CACNB3: variants seen among roughly 807,000 people sequenced by gnomAD.
CACNB3 encodes voltage-dependent L-type calcium channel subunit beta-3.
In CACNB3, 36 loss-of-function variants were observed where a neutral mutation model predicts 63.7. The observed-to-expected ratio is 0.57, with a 90% confidence interval of 0.43 to 0.75. CACNB3 has a LOEUF of 0.75. Among genes scored for constraint, CACNB3 ranks in the 30% least tolerant of loss-of-function variants. The pLI, the probability that CACNB3 is intolerant of heterozygous loss-of-function variation, is 0.00. For synonymous variants in CACNB3, 241 were observed against 250.6 expected, an observed-to-expected ratio of 0.96 and a Z score of 0.36; for missense variants, 493 against 648.6, an observed-to-expected ratio of 0.76 and a Z score of 2.61.
In CACNB3 at chr12:48,826,897, G is replaced by A; in HGVS notation, c.990+43G>A. On this transcript the variant is annotated intron_variant, in intron 11 of 12. Transcript: ENST00000301050. This position sits in a 1 kb window ranked among gnomAD's most constrained non-coding sequence, Gnocchi z 4.8. ...CTGCTCCTGTGCCCACTCCCCCAGG[G>A]CTGCGGCAGTGATAGAGATGGGTGG... 6.2e-7 allele frequency: 1 copy of A among 1,611,404 alleles called. No individual in the cohort carries two copies. Among genetic ancestry groups the A allele is most frequent in the Non-Finnish European group, 8.5e-7 (1 of 1,177,634 alleles).
At position 48,825,593 on chromosome 12, in the gene CACNB3, G is replaced by A. The variant is rs1938090152; in HGVS notation, c.633-67G>A. The stretch of plus-strand genomic sequence containing the variant: ...TCTTCTCTAAGGGAAGAGTTAGTGG[G>A]AGCTGAGTAAGGAGAGGCTGAGGCA... On this transcript the variant is annotated intron_variant, in intron 8 of 12. Coordinates refer to ENST00000301050, the MANE Select transcript of CACNB3 (RefSeq NM_000725.4). The surrounding 1 kb of genome is among the most constrained non-coding windows in gnomAD (Gnocchi z 4.5). 4.5e-6 allele frequency: 7 copies of A among 1,572,730 alleles called. No homozygotes were observed. The highest frequency in any genetic ancestry group is 1.7e-4 in the Middle Eastern group (1 of 5,978).
At position 48,823,327 on chromosome 12, in the gene CACNB3, C is replaced by A; in HGVS notation, c.46-17C>A. ...TCATGCCGGAGCCTGGGAGTCACAG[C>A]CTCTTTCCCAACCCAGGGTTCAGCC... On this transcript the variant is annotated splice_polypyrimidine_tract_variant and intron_variant, in intron 1 of 12. Transcript: ENST00000301050. This position sits in a 1 kb window ranked among gnomAD's most constrained non-coding sequence, Gnocchi z 4.2. 4 of 1,612,122 alleles carry A rather than the reference C, an allele frequency of 2.5e-6. No individual in the cohort carries two copies. Among genetic ancestry groups the A allele is most frequent in the Non-Finnish European group, 3.4e-6 (4 of 1,179,006 alleles).
chr12:48,823,200 A>G lies in CACNB3; in HGVS notation c.46-144A>G. 1 of 993,180 alleles carries G rather than the reference A, an allele frequency of 1.0e-6. No individual in the cohort carries two copies. Among genetic ancestry groups the G allele is most frequent in the East Asian group, 2.6e-5 (1 of 39,176 alleles). The allele number at this position is 993,180 out of a possible 1,614,324, so 61.5% of individuals were successfully genotyped here. On this transcript the variant is annotated intron_variant, in intron 1 of 12. Transcript: ENST00000301050. The surrounding 1 kb of genome is among the most constrained non-coding windows in gnomAD (Gnocchi z 4.2). ...GAGGCACTGGGGCCCTTCTCAGGGG[A>G]TAGGAGGGGCCATAGGGACCCAGCT...
At chr12:48,815,758 G>A (rs1942272698), upstream of CACNB3, 1 of 842,732 alleles carries the variant, frequency 1.2e-6, no homozygotes, top group South Asian at 1.4e-5. Flanking sequence ...GGGGTCGTGG[G>A]AAGGGGGTTC....
chr12:48,817,105 C>G (rs1279759007), upstream of CACNB3: 2 of 654,152 alleles, frequency 3.1e-6, no homozygotes, highest in African/African-American at 2.0e-5. Context: ...GTCCCTTCAG[C>G]CACAGGGGCT....
chr12:48,824,507 T>A lies in CACNB3; in HGVS notation c.407+134T>A. 6 of 1,050,410 alleles carry A rather than the reference T, an allele frequency of 5.7e-6. No individual in the cohort carries two copies. The Admixed American group carries it at 1.3e-4, about 23-fold the overall frequency. The allele number at this position is 1,050,410 out of a possible 1,614,324, so 65.1% of individuals were successfully genotyped here. A position where few individuals can be genotyped will look rare whatever the true frequency, so the allele number is the denominator to read the frequency against. On this transcript the variant is annotated intron_variant, in intron 4 of 12. Transcript: ENST00000301050. The stretch of plus-strand genomic sequence containing the variant: ...TACACGTATGCCCAGCTCTACACAC[T>A]CAACACTAAACAAATCTACAAACAC...
chr12:48,828,933 T>G lies in CACNB3; in HGVS notation c.*1034T>G. The G allele has an allele frequency of 2.8e-6, 1 of 352,704 alleles. No individual in the cohort carries two copies. The highest frequency in any genetic ancestry group is 3.6e-5 in the Admixed American group (1 of 27,650). The allele number at this position is 352,704 out of a possible 1,614,324, so 21.8% of individuals were successfully genotyped here. A position where few individuals can be genotyped will look rare whatever the true frequency, so the allele number is the denominator to read the frequency against. Reference sequence around the variant, plus strand: ...TCACTGTCATCACTAATAAACATCATGCACAGTCCCTCCGGCTTCTGTTCT... The same window carrying G: ...TCACTGTCATCACTAATAAACATCAGGCACAGTCCCTCCGGCTTCTGTTCT... On this transcript the variant is annotated 3_prime_UTR_variant, in exon 13 of 13. Transcript: ENST00000301050.
chr12:48,826,657 G>A lies in CACNB3; in HGVS notation c.895-102G>A, dbSNP rs1286425187. The A allele has an allele frequency of 7.1e-7, 1 of 1,405,108 alleles. No homozygotes were observed. The highest frequency in any genetic ancestry group is 1.4e-5 in the African/African-American group (1 of 70,776). 87.0% of individuals were successfully genotyped at this position (1,405,108 alleles called of 1,614,324 possible). On this transcript the variant is annotated intron_variant, in intron 10 of 12. Transcript: ENST00000301050. The surrounding 1 kb of genome is among the most constrained non-coding windows in gnomAD (Gnocchi z 4.8). The stretch of plus-strand genomic sequence containing the variant: ...ACACAACTCTGAGTCATCCTCACCT[G>A]CTACTGATGCCACAAGTGGAAGAAA...
At chr12:48,827,437 G>A in intron 12 of CACNB3, 148 bp from the exon 13 acceptor site, 2 of 859,428 alleles carry the variant, frequency 2.3e-6, no homozygotes, top group Non-Finnish European at 3.5e-6. Flanking sequence ...TTCTCTCTCG[G>A]AAGAGGAAAA....
In CACNB3 at chr12:48,818,920, G is replaced by T; in HGVS notation, c.-10G>T. The T allele has an allele frequency of 1.3e-6, 2 of 1,579,654 alleles. No individual in the cohort carries two copies. Among genetic ancestry groups the T allele is most frequent in the East Asian group, 2.4e-5 (1 of 42,394 alleles). On this transcript the variant is annotated 5_prime_UTR_variant, in exon 1 of 13. Transcript: ENST00000301050. The surrounding 1 kb of genome is among the most constrained non-coding windows in gnomAD (Gnocchi z 4.3). ...CCGGCGCCGCTCGCTCCCCCGACCC[G>T]GACTCCCCCATGTATGACGACTCCT...
rs1481162316 is a variant in CACNB3, at chr12:48,825,333, C to T, written c.573+90C>T. ...GAAAGTGGAAGGGGTGTGTCTCCTCCGTCCAGGGTGTGTATGTGGAGCGCA... is the reference window on the plus strand; with the variant it reads ...GAAAGTGGAAGGGGTGTGTCTCCTCTGTCCAGGGTGTGTATGTGGAGCGCA... On this transcript the variant is annotated intron_variant, in intron 7 of 12. Coordinates refer to ENST00000301050, the MANE Select transcript of CACNB3 (RefSeq NM_000725.4). This position sits in a 1 kb window ranked among gnomAD's most constrained non-coding sequence, Gnocchi z 4.5. The T allele has an allele frequency of 8.3e-6, 13 of 1,564,612 alleles. No homozygotes were observed. In the African/African-American group the frequency reaches 1.1e-4, roughly 13 times the overall value.
chr12:48,823,227 T>C lies in CACNB3; in HGVS notation c.46-117T>C, dbSNP rs1937948300. ...AGGAGGGGCCATAGGGACCCAGCTATCCCCTTGGAGATGGAGAAACTGGGG... is the reference window on the plus strand; with the variant it reads ...AGGAGGGGCCATAGGGACCCAGCTACCCCCTTGGAGATGGAGAAACTGGGG... On this transcript the variant is annotated intron_variant, in intron 1 of 12. Transcript: ENST00000301050. The surrounding 1 kb of genome is among the most constrained non-coding windows in gnomAD (Gnocchi z 4.2). The C allele has an allele frequency of 1.5e-6, 2 of 1,332,560 alleles. No individual in the cohort carries two copies. The highest frequency in any genetic ancestry group is 1.5e-5 in the African/African-American group (1 of 67,994). 82.5% of individuals were successfully genotyped at this position (1,332,560 alleles called of 1,614,324 possible).
In CACNB3 at chr12:48,828,308, A is replaced by G; in HGVS notation, c.*409A>G. On this transcript the variant is annotated 3_prime_UTR_variant, in exon 13 of 13. Coordinates refer to ENST00000301050, the MANE Select transcript of CACNB3 (RefSeq NM_000725.4). ...GGCACCATGGCATGAGGAAGAAACA[A>G]GGTCCCTGAGCAGGCACAAGTCCTG... is the stretch of plus-strand genomic sequence containing the variant. The G allele has an allele frequency of 3.3e-6, 1 of 305,284 alleles. No individual in the cohort carries two copies. Among genetic ancestry groups the G allele is most frequent in the East Asian group, 8.0e-5 (1 of 12,444 alleles). The allele number at this position is 305,284 out of a possible 1,614,324, so 18.9% of individuals were successfully genotyped here.
upstream of CACNB3, chr12:48,815,361 G>A (rs1180667160): frequency 1.3e-5 from 5 of 394,682 alleles, no homozygotes; most frequent in South Asian, 2.9e-5. Flanking sequence ...GCGACGTGGG[G>A]ATGGAAGGAC....
intron 1 of CACNB3, among the ~76,000 whole-genome samples, chr12:48,819,431 G>C (rs1052814493): frequency 3.9e-5 from 6 of 152,218 alleles, no homozygotes; most frequent in Non-Finnish European, 8.8e-5. Context: ...AGGGAGCTGA[G>C]AGGACATCAG....
rs777892321 is a variant in CACNB3, at chr12:48,823,778, C to A, written c.266C>A (p.Ala89Asp). 1.2e-6 allele frequency: 2 copies of A among 1,614,084 alleles called. No homozygotes were observed. The highest frequency in any genetic ancestry group is 1.7e-6 in the Non-Finnish European group (2 of 1,180,004). Residue 89 changes from alanine (A) to aspartate (D), a missense_variant, in exon 3 of 13, where the codon GCC (alanine) becomes GAC (aspartate). Physicochemically the swap from Ala to Asp is moderately radical, Grantham distance 126. Coordinates refer to ENST00000301050, the MANE Select transcript of CACNB3 (RefSeq NM_000725.4). The surrounding 1 kb of genome is among the most constrained non-coding windows in gnomAD (Gnocchi z 4.2). The part of the protein sequence containing the change: ...PVQGSGVNFE[A>D]KDFLHIKEKY... Reference sequence around the variant, plus strand: ...CAGGGCTCTGGAGTCAACTTTGAGGCCAAAGATTTTCTGCACATTAAAGAG... The same window carrying A: ...CAGGGCTCTGGAGTCAACTTTGAGGACAAAGATTTTCTGCACATTAAAGAG...
At chr12:48,815,435 G>A (rs1942260983), upstream of CACNB3, 1 of 785,230 alleles carries the variant, frequency 1.3e-6, no homozygotes, top group Non-Finnish European at 1.9e-6. Flanking sequence ...GTGGAGAGAG[G>A]CTGGGCTGAA....
At chr12:48,814,499 C>G (rs1200361073), upstream of CACNB3, 19 of 1,530,554 alleles carry the variant, frequency 1.2e-5, no homozygotes, top group Non-Finnish European at 1.7e-5. The surrounding 1 kb of genome is among the most constrained non-coding windows in gnomAD (Gnocchi z 6.9). Context: ...GCTGCCCAGT[C>G]CCGGCCAGGA....
intron 1 of CACNB3, chr12:48,820,656 C>G (rs1937802374): frequency 6.6e-6 from 1 of 152,382 alleles, no homozygotes; most frequent in African/African-American, 2.4e-5. Flanking sequence ...TACTGAAACT[C>G]TGGCTATTTT....
Sources: allele counts gnomAD v4.1 joint callset (sites outside exome capture counted in the v4.1 genomes callset), GRCh38; gene constraint gnomAD v4.1.1; non-coding constraint Gnocchi (gnomAD v3.1); transcripts MANE v1.5; gene names NCBI Gene and HGNC (gene_info 2026-07-23, HGNC 2026-07-21).